POLR3F: variants seen among roughly 807,000 people sequenced by gnomAD.
The protein encoded by POLR3F is RNA polymerase III subunit F.
POLR3F carries 31 observed loss-of-function variants against 43.6 expected under a neutral mutation model. The ratio of observed to expected loss-of-function variants is 0.71; its 90% confidence interval spans 0.53 to 0.96. The LOEUF (loss-of-function observed/expected upper bound fraction) is 0.96. Among genes scored for constraint, POLR3F ranks in the 40% least tolerant of loss-of-function variants. The probability of loss-of-function intolerance (pLI) is 0.00; values close to 1 mark genes in which losing one functional copy is unlikely to be tolerated. For missense variants in POLR3F, 316 were observed against 391.7 expected, an observed-to-expected ratio of 0.81 and a Z score of 1.63; for synonymous variants, 114 against 132.5, an observed-to-expected ratio of 0.86 and a Z score of 0.96.
rs1410877767 is a variant in POLR3F at position 18,484,161 on chromosome 20, T to G, written c.*603T>G. On this transcript the variant is annotated 3_prime_UTR_variant, in exon 9 of 9. Coordinates refer to ENST00000377603, the MANE Select transcript of POLR3F (RefSeq NM_006466.4). ...CTTTTAGGAGATTATGCTACCATAC[T>G]TACTTCAAACCCAATGACTACTGTC... The G allele has an allele frequency of 5.0e-6, 2 of 398,480 alleles. No individual in the cohort carries two copies. Among genetic ancestry groups the G allele is most frequent in the Non-Finnish European group, 8.8e-6 (2 of 226,056 alleles). 24.7% of individuals were successfully genotyped at this position (398,480 alleles called of 1,614,324 possible).
At chr20:18,470,334 A>C (rs1407861798) in intron 2 of POLR3F, among the ~76,000 whole-genome samples, 1 of 152,194 alleles carries the variant, frequency 6.6e-6, no homozygotes, top group Non-Finnish European at 1.5e-5. Context: ...TTTCTAGCTC[A>C]GGAGTTGGCA....
At chr20:18,473,187 A>G (rs1490143417) in intron 3 of POLR3F, among the ~76,000 whole-genome samples, 2 of 151,294 alleles carry the variant, frequency 1.3e-5, no homozygotes, top group East Asian at 1.9e-4. Context: ...CTGTTTTGCA[A>G]TTTGTTTTTT....
chr20:18,484,240 T>C lies in POLR3F; in HGVS notation c.*682T>C, dbSNP rs576324578. 1.1e-4 allele frequency: 43 copies of C among 398,366 alleles called. 1 individual carries two copies. In the South Asian group the frequency reaches 3.8e-3, roughly 35 times the overall value. The allele number at this position is 398,366 out of a possible 1,614,324, so 24.7% of individuals were successfully genotyped here. A position where few individuals can be genotyped will look rare whatever the true frequency, so the allele number is the denominator to read the frequency against. On this transcript the variant is annotated 3_prime_UTR_variant, in exon 9 of 9. Coordinates refer to ENST00000377603, the MANE Select transcript of POLR3F (RefSeq NM_006466.4). ...ATCATTTTCATTCTAAAGAATATTT[T>C]CACTGTTCCTTCTTTCTTAAAGTCT...
chr20:18,468,098 GAC>G (rs2059710497), intron 1 of POLR3F, among the ~76,000 whole-genome samples: 2 of 152,138 alleles, frequency 1.3e-5, no homozygotes, highest in South Asian at 4.1e-4. Context: ...TTGTTTGTGA[GAC>G]AGAGTCTCGC....
rs143916548 is a variant in POLR3F, at chr20:18,481,367, G to A, written c.682-252G>A. The stretch of plus-strand genomic sequence containing the variant: ...AGCCATTCTCCTGCCTCAGCCTCCC[G>A]AGTAGGTGGGATTACAAGTGCCTGC... On this transcript the variant is annotated intron_variant, in intron 7 of 8. Transcript: ENST00000377603. 3.7e-3 allele frequency among the ~76,000 whole-genome samples: 558 copies of A among 151,106 alleles called. 1 individual carries two copies. Among genetic ancestry groups the A allele is most frequent in the Middle Eastern group, 0.01 (3 of 294 alleles).
At chr20:18,475,735 A>G (rs16979233) in intron 5 of POLR3F, among the ~76,000 whole-genome samples, 14,072 of 152,256 alleles carry the variant, frequency 0.092, 857 homozygotes, top group East Asian at 0.26. Context: ...AGTTTGCTTC[A>G]ATACACATTT....
rs1441616034 is a variant in POLR3F, at chr20:18,467,575, C to G, written c.62+7C>G. On this transcript the variant is annotated splice_region_variant and intron_variant, in intron 1 of 8. Transcript: ENST00000377603. The stretch of plus-strand genomic sequence containing the variant: ...CGGTCGAAATAGAAAACAGGTAAAC[C>G]AGTGAGGCTCCGGCTTGGCACTCCA... 6.2e-7 allele frequency: 1 copy of G among 1,614,202 alleles called. No individual in the cohort carries two copies. Among genetic ancestry groups the G allele is most frequent in the East Asian group, 2.2e-5 (1 of 44,884 alleles).
intron 2 of POLR3F, among the ~76,000 whole-genome samples, chr20:18,470,999 A>G (rs1300385691): frequency 1.3e-5 from 2 of 152,128 alleles, no homozygotes; most frequent in Non-Finnish European, 2.9e-5. Flanking sequence ...GTCTCAGAGA[A>G]GCCAGCCTGA....
Position 18,467,417 on chromosome 20 carries a change from C to A in POLR3F, c.-90C>A. On this transcript the variant is annotated 5_prime_UTR_variant, in exon 1 of 9. Coordinates refer to ENST00000377603, the MANE Select transcript of POLR3F (RefSeq NM_006466.4). The stretch of plus-strand genomic sequence containing the variant: ...AGAAGGCCCCTCGGCCTCAGCAGAG[C>A]GCTATCCTCCACTGGTTCCCCGGGT... The A allele has an allele frequency of 7.1e-7, 1 of 1,416,328 alleles. No homozygotes were observed. The highest frequency in any genetic ancestry group is 1.0e-6 in the Non-Finnish European group (1 of 1,002,736). The allele number at this position is 1,416,328 out of a possible 1,614,324, so 87.7% of individuals were successfully genotyped here. A position where few individuals can be genotyped will look rare whatever the true frequency, so the allele number is the denominator to read the frequency against.
At chr20:18,473,155 A>T (rs2059762454) in intron 3 of POLR3F, 1 of 339,612 alleles carries the variant, frequency 2.9e-6, no homozygotes, top group African/African-American at 2.1e-5. Context: ...TTTTTAACAA[A>T]AATGGAATCA....
chr20:18,477,917 ATGAT>A (rs56668300), intron 5 of POLR3F, among the ~76,000 whole-genome samples: 23,656 of 152,066 alleles, frequency 0.16, 2,730 homozygotes, highest in African/African-American at 0.3. Context: ...TTATACAGGC[ATGAT>A]TGATTGAATC....
intron 5 of POLR3F, among the ~76,000 whole-genome samples, chr20:18,477,189 A>G (rs539637063): frequency 7.9e-5 from 12 of 152,206 alleles, no homozygotes; most frequent in Non-Finnish European, 1.3e-4. Flanking sequence ...GCATATGAAA[A>G]GATGCTCTAC....
intron 2 of POLR3F, among the ~76,000 whole-genome samples, chr20:18,470,212 A>G (rs2059741451): frequency 6.6e-6 from 1 of 152,224 alleles, no homozygotes; most frequent in South Asian, 2.1e-4. Context: ...CCAAGGCCTC[A>G]TCTGAATGAC....
intron 2 of POLR3F, among the ~76,000 whole-genome samples, chr20:18,471,598 A>C (rs2059751416): frequency 6.6e-6 from 1 of 152,192 alleles, no homozygotes; most frequent in Non-Finnish European, 1.5e-5. Flanking sequence ...TTGTAGTCCT[A>C]CTTTGCCACT....
chr20:18,475,424 G>T (rs1325340135), intron 5 of POLR3F, among the ~76,000 whole-genome samples: 3 of 152,216 alleles, frequency 2.0e-5, no homozygotes, highest in African/African-American at 7.2e-5. Context: ...CTTTGGAACT[G>T]TGAACATTTT....
chr20:18,473,990 A>G (rs1568578717), intron 4 of POLR3F, among the ~76,000 whole-genome samples: 1 of 152,088 alleles, frequency 6.6e-6, no homozygotes, highest in Non-Finnish European at 1.5e-5. Flanking sequence ...ATAATTTGGG[A>G]TCTATTTGAG....
intron 5 of POLR3F, among the ~76,000 whole-genome samples, chr20:18,478,475 A>G (rs572134412): frequency 6.6e-6 from 1 of 152,060 alleles, no homozygotes; most frequent in Non-Finnish European, 1.5e-5. Context: ...CAGCCTCCCA[A>G]AGTGCTGGGA....
Position 18,469,042 on chromosome 20 carries a change from T to A in POLR3F, c.161T>A (p.Ile54Asn). The A allele has an allele frequency of 6.6e-7, 1 of 1,526,620 alleles. No homozygotes were observed. Among genetic ancestry groups the A allele is most frequent in the Non-Finnish European group, 9.1e-7 (1 of 1,100,008 alleles). 94.6% of individuals were successfully genotyped at this position (1,526,620 alleles called of 1,614,324 possible). A position where few individuals can be genotyped will look rare whatever the true frequency, so the allele number is the denominator to read the frequency against. Residue 54 changes from isoleucine (I) to asparagine (N), a missense_variant, in exon 2 of 9, where the codon ATC becomes AAC. Coordinates refer to ENST00000377603, the MANE Select transcript of POLR3F (RefSeq NM_006466.4). ...GAAGCCCAGCAGCGGGCAGTAGCCA[T>A]CAATAGGTTGTTGTCTATGGTAAGG... ...HIEAQQRAVA[I>N]NRLLSMGQLD...
Position 18,467,410 on chromosome 20 carries a change from A to C in POLR3F, c.-97A>C, listed in dbSNP as rs1488137007. 4.4e-6 allele frequency: 6 copies of C among 1,378,624 alleles called. No individual in the cohort carries two copies. The South Asian group carries it at 4.7e-5, about 11-fold the overall frequency. The allele number at this position is 1,378,624 out of a possible 1,614,324, so 85.4% of individuals were successfully genotyped here. A position where few individuals can be genotyped will look rare whatever the true frequency, so the allele number is the denominator to read the frequency against. On this transcript the variant is annotated 5_prime_UTR_variant, in exon 1 of 9. Coordinates refer to ENST00000377603, the MANE Select transcript of POLR3F (RefSeq NM_006466.4). ...ACGAGGAAGAAGGCCCCTCGGCCTC[A>C]GCAGAGCGCTATCCTCCACTGGTTC...
Sources: gnomAD v4.1 joint callset for allele counts (sites outside exome capture counted in the v4.1 genomes callset) on GRCh38, gnomAD v4.1.1 for gene constraint, MANE v1.5 for transcripts, NCBI Gene and HGNC (gene_info 2026-07-23, HGNC 2026-07-21) for gene names.